RARB: variants seen among roughly 807,000 people sequenced by gnomAD.
RARB encodes the protein HBV-activated protein.
In RARB, 17 loss-of-function variants were observed where a neutral mutation model predicts 51.9. The observed-to-expected ratio is 0.33, with a 90% confidence interval of 0.22 to 0.49. RARB has a LOEUF of 0.49. Ranked by LOEUF, RARB falls within the 20% of genes least tolerant of loss-of-function variation. RARB has a pLI of 0.99. For synonymous variants in RARB, 215 were observed against 195.4 expected, an observed-to-expected ratio of 1.10 and a Z score of -0.84; for missense variants, 369 against 550.8, an observed-to-expected ratio of 0.67 and a Z score of 3.30.
At chr3:25,200,928 C>G (rs571362259) in intron 5 of RARB, among the ~76,000 whole-genome samples, 1 of 152,222 alleles carries the variant, frequency 6.6e-6, no homozygotes, top group Non-Finnish European at 1.5e-5. Context: ...GATGCAGGCT[C>G]TTTTTTGGTT....
intron 2 of RARB, among the ~76,000 whole-genome samples, chr3:24,908,367 A>G (rs923244846): frequency 1.3e-5 from 2 of 152,320 alleles, no homozygotes; most frequent in South Asian, 2.1e-4. Context: ...AATCTACACT[A>G]GAAGAAGAGA....
At chr3:25,271,454 C>T (rs928045022) in intron 5 of RARB, among the ~76,000 whole-genome samples, 9 of 152,306 alleles carry the variant, frequency 5.9e-5, no homozygotes, top group Non-Finnish European at 8.8e-5. Flanking sequence ...AATTTAGTCA[C>T]GTTCCTTGGC....
intron 2 of RARB, among the ~76,000 whole-genome samples, chr3:24,922,244 T>A (rs1695231318): frequency 1.3e-5 from 2 of 152,202 alleles, no homozygotes; most frequent in Admixed American, 1.3e-4. Context: ...AATGGTTGAA[T>A]GAGGTAATGT....
chr3:25,034,501 C>T (rs1030211491), intron 2 of RARB, among the ~76,000 whole-genome samples: 5 of 152,170 alleles, frequency 3.3e-5, no homozygotes, highest in Non-Finnish European at 7.3e-5. Flanking sequence ...TTTCTCTAGG[C>T]AGAAGAAGAT....
At chr3:25,310,647 G>A (rs960948919) in intron 5 of RARB, among the ~76,000 whole-genome samples, 1 of 152,144 alleles carries the variant, frequency 6.6e-6, no homozygotes, top group African/African-American at 2.4e-5. Flanking sequence ...GTGCTACTTT[G>A]ACCACTCATC....
At chr3:25,469,835 A>C (rs749140389) in intron 2 of RARB, among the ~76,000 whole-genome samples, 4 of 152,344 alleles carry the variant, frequency 2.6e-5, no homozygotes, top group Non-Finnish European at 5.9e-5. Context: ...GGCAGAAAAC[A>C]TGAGAAGCTA....
At chr3:25,109,491 A>G (rs961694359) in intron 3 of RARB, among the ~76,000 whole-genome samples, 1 of 152,304 alleles carries the variant, frequency 6.6e-6, no homozygotes, top group South Asian at 2.1e-4. Context: ...TGAAATTTAC[A>G]TGTTTTTTTA....
chr3:25,268,377 C>G (rs1377986622), intron 5 of RARB, among the ~76,000 whole-genome samples: 1 of 105,392 alleles, frequency 9.5e-6, no homozygotes, highest in African/African-American at 3.2e-5. Flanking sequence ...GATTCACAGT[C>G]CCCCAGAAAA....
At chr3:25,233,638 A>T (rs955550793) in intron 5 of RARB, among the ~76,000 whole-genome samples, 1 of 152,136 alleles carries the variant, frequency 6.6e-6, no homozygotes, top group Non-Finnish European at 1.5e-5. Context: ...AAAATCATTC[A>T]GTCTTTCACC....
intron 1 of RARB, among the ~76,000 whole-genome samples, chr3:24,854,343 T>A (rs1702605961): frequency 6.6e-6 from 1 of 152,222 alleles, no homozygotes; most frequent in Admixed American, 6.5e-5. Flanking sequence ...AGAATCATCA[T>A]GTGAGTGCAT....
chr3:25,363,489 G>C (rs1386399220), intron 5 of RARB, among the ~76,000 whole-genome samples: 1 of 152,074 alleles, frequency 6.6e-6, no homozygotes, highest in African/African-American at 2.4e-5. Flanking sequence ...CTTTCCAGTT[G>C]CTTAGGCCAC....
At chr3:25,234,906 G>C (rs73044253) in intron 5 of RARB, among the ~76,000 whole-genome samples, 13,261 of 152,046 alleles carry the variant, frequency 0.087, 751 homozygotes, top group Non-Finnish European at 0.13. Flanking sequence ...ACTTGCTGCT[G>C]TCACCACCAC....
chr3:25,305,784 T>C (rs1419944777), intron 5 of RARB, among the ~76,000 whole-genome samples: 1 of 152,106 alleles, frequency 6.6e-6, no homozygotes, highest in Non-Finnish European at 1.5e-5. Flanking sequence ...TGTCACACAG[T>C]GGTATAAAAA....
At chr3:24,914,115 A>G (rs576376184) in intron 2 of RARB, among the ~76,000 whole-genome samples, 1 of 152,334 alleles carries the variant, frequency 6.6e-6, no homozygotes, top group South Asian at 2.1e-4. Flanking sequence ...AGGATCACAG[A>G]TGGAAAATCT....
intron 5 of RARB, among the ~76,000 whole-genome samples, chr3:25,367,452 A>G (rs1223210880): frequency 1.3e-5 from 2 of 152,082 alleles, no homozygotes; most frequent in Non-Finnish European, 2.9e-5. Flanking sequence ...CATCTACTTT[A>G]GGGTCCAAGC....
chr3:25,085,224 T>C (rs1699083814), intron 3 of RARB, among the ~76,000 whole-genome samples: 1 of 152,142 alleles, frequency 6.6e-6, no homozygotes, highest in Non-Finnish European at 1.5e-5. Flanking sequence ...AATATGAAAA[T>C]AGAATTTCTT....
At chr3:25,346,199 A>T (rs970605101) in intron 5 of RARB, among the ~76,000 whole-genome samples, 1 of 152,120 alleles carries the variant, frequency 6.6e-6, no homozygotes, top group African/African-American at 2.4e-5. Flanking sequence ...ATGTCTCTAA[A>T]TTCTTTTTTG....
chr3:25,005,647 TC>T (rs1697255351), intron 2 of RARB, among the ~76,000 whole-genome samples: 1 of 152,064 alleles, frequency 6.6e-6, no homozygotes, highest in Admixed American at 6.6e-5. Context: ...CTCCACAATA[TC>T]CTGTTGGTTG....
chr3:25,026,337 C>G (rs901043004), intron 2 of RARB, among the ~76,000 whole-genome samples: 1 of 152,146 alleles, frequency 6.6e-6, no homozygotes, highest in African/African-American at 2.4e-5. Flanking sequence ...TTCTTAAAGT[C>G]TTCTATAAGT....
Sources: allele counts gnomAD v4.1 joint callset (sites outside exome capture counted in the v4.1 genomes callset), GRCh38; gene constraint gnomAD v4.1.1; transcripts MANE v1.5; gene names NCBI Gene and HGNC (gene_info 2026-07-23, HGNC 2026-07-21).